CALN1: variants seen among roughly 807,000 people sequenced by gnomAD.
The protein encoded by CALN1 is calcium-binding protein 8.
A neutral mutation model predicts 30.6 loss-of-function variants in CALN1; 17 were observed. The ratio of observed to expected loss-of-function variants is 0.56; its 90% CI spans 0.38 to 0.83. The LOEUF (loss-of-function observed/expected upper bound fraction) is 0.83. CALN1 is among the 40% of genes least tolerant of loss of function. The probability of loss-of-function intolerance (pLI) is 0.00; values close to 1 mark genes in which losing one functional copy is unlikely to be tolerated. For missense variants in CALN1, 291 were observed against 354.9 expected (o/e 0.82, Z 1.45); for synonymous variants, 156 against 131.4 (o/e 1.19, Z -1.28).
chr7:72,402,633 A>G (rs1806420033), intron 2 of CALN1, among the ~76,000 whole-genome samples: 2 of 152,212 alleles, frequency 1.3e-5, no homozygotes, highest in Non-Finnish European at 2.9e-5. Context: ...CGAGGAAAAG[A>G]AAAAAGAGCA....
intron 4 of CALN1, among the ~76,000 whole-genome samples, chr7:72,098,474 C>T (rs778447788): frequency 2.4e-4 from 36 of 152,086 alleles, no homozygotes; most frequent in Non-Finnish European, 4.4e-4. Context: ...GAGGCTAAGG[C>T]TGGAGAATCC....
chr7:72,326,724 C>A (rs2129557718), intron 2 of CALN1, among the ~76,000 whole-genome samples: 1 of 152,222 alleles, frequency 6.6e-6, no homozygotes, highest in Admixed American at 6.5e-5. Flanking sequence ...TCATGAGGTT[C>A]GGAGCATTTT....
chr7:71,958,895 C>A (rs1161157025), intron 5 of CALN1, among the ~76,000 whole-genome samples: 3 of 152,216 alleles, frequency 2.0e-5, no homozygotes, highest in Admixed American at 6.5e-5. Context: ...GCCCAGAGTT[C>A]TTTCTTGACT....
chr7:72,079,312 T>C (rs1804959003), intron 4 of CALN1, among the ~76,000 whole-genome samples: 1 of 152,304 alleles, frequency 6.6e-6, no homozygotes, highest in East Asian at 1.9e-4. Flanking sequence ...ACTGTGTGGA[T>C]AACATCGAGT....
In CALN1 at chr7:71,968,851, C is replaced by T. The variant is rs371495025; in HGVS notation, c.501+54806G>A. 3.0e-4 allele frequency among the ~76,000 whole-genome samples: 45 copies of T among 151,338 alleles called. No individual in the cohort carries two copies. In the East Asian group the frequency reaches 4.9e-3, roughly 17 times the overall value. On this transcript the variant is annotated intron_variant, in intron 5 of 6. Coordinates refer to ENST00000395275, the MANE Select transcript of CALN1 (RefSeq NM_031468.4). ...CTTGAGTCCAGGAGTTCAAGACCAG[C>T]CTAGGCAACACAGCAAGACCACACC...
At chr7:72,255,348 A>C (rs965264777) in intron 3 of CALN1, among the ~76,000 whole-genome samples, 1 of 135,222 alleles carries the variant, frequency 7.4e-6, no homozygotes, top group African/African-American at 2.6e-5. Flanking sequence ...TCAGCCTCCC[A>C]AAGTGCTGGG....
intron 3 of CALN1, among the ~76,000 whole-genome samples, chr7:72,169,780 C>A (rs1422743492): frequency 6.6e-6 from 1 of 151,922 alleles, no homozygotes; most frequent in East Asian, 1.9e-4. Context: ...ACTTCCACCT[C>A]CTGGGTTCAA....
At chr7:72,304,136 TG>T (rs1799487773) in intron 2 of CALN1, among the ~76,000 whole-genome samples, 3 of 152,216 alleles carry the variant, frequency 2.0e-5, no homozygotes, top group African/African-American at 7.2e-5. Context: ...TCTTTCAGAC[TG>T]GGAGGTCCAA....
the CALN1 span, among the ~76,000 whole-genome samples, chr7:72,460,872 C>CA: frequency 6.6e-6 from 1 of 152,138 alleles, no homozygotes; most frequent in Non-Finnish European, 1.5e-5. Context: ...TGCTTCCCCC[C>CA]ACGGCAGGAC....
chr7:71,988,553 T>C (rs906907830), intron 5 of CALN1, among the ~76,000 whole-genome samples: 4 of 152,172 alleles, frequency 2.6e-5, no homozygotes, highest in East Asian at 1.9e-4. Flanking sequence ...CTCCCAGATA[T>C]AGGCCTGTGG....
In CALN1 at chr7:72,148,962, A is replaced by AAGGG. The variant is rs1236888187; in HGVS notation, c.245-42672_245-42669dup. On this transcript the variant is annotated intron_variant, in intron 3 of 6. Coordinates refer to ENST00000395275, the MANE Select transcript of CALN1 (RefSeq NM_031468.4). ...GAAGGAAGGAAGGAAGGAAAGAAGG[A>AAGGG]AGGGAGGGAGGGAGGGAGGGAGGAA... Among the ~76,000 whole-genome samples, 1,234 of 138,260 alleles carry AAGGG rather than the reference A, an allele frequency of 8.9e-3. 19 individuals carry two copies. Among genetic ancestry groups the AAGGG allele is most frequent in the African/African-American group, 0.03 (1,132 of 38,216 alleles). The allele number at this position is 138,260 out of a possible 152,430, so 90.7% of individuals were successfully genotyped here. A position where few individuals can be genotyped will look rare whatever the true frequency, so the allele number is the denominator to read the frequency against.
intron 2 of CALN1, among the ~76,000 whole-genome samples, chr7:72,287,122 C>A (rs1798132921): frequency 6.6e-6 from 1 of 152,064 alleles, no homozygotes; most frequent in Non-Finnish European, 1.5e-5. Flanking sequence ...TACCCACCAC[C>A]CAGATTTAAT....
At chr7:71,944,195 C>T (rs758463145) in intron 5 of CALN1, among the ~76,000 whole-genome samples, 66 of 152,114 alleles carry the variant, frequency 4.3e-4, no homozygotes, top group Non-Finnish European at 9.0e-4. Flanking sequence ...GCCTGTAATC[C>T]GAGCCCTCTG....
chr7:72,302,604 C>T (rs1047154954), intron 2 of CALN1, among the ~76,000 whole-genome samples: 2 of 151,978 alleles, frequency 1.3e-5, no homozygotes, highest in African/African-American at 2.4e-5. Flanking sequence ...ACAAAAAATA[C>T]GAAAACAGGA....
At chr7:72,310,459 G>A (rs1016555297) in intron 2 of CALN1, among the ~76,000 whole-genome samples, 1 of 151,142 alleles carries the variant, frequency 6.6e-6, no homozygotes, top group Non-Finnish European at 1.5e-5. Flanking sequence ...GGAACAGAGG[G>A]CAGAACAAAA....
intron 3 of CALN1, among the ~76,000 whole-genome samples, chr7:72,153,032 C>G (rs1172631070): frequency 6.6e-6 from 1 of 152,188 alleles, no homozygotes; most frequent in African/African-American, 2.4e-5. Context: ...AGGCTAGAAC[C>G]TCAGTGTTCA....
At chr7:72,152,876 G>A (rs1052746968) in intron 3 of CALN1, among the ~76,000 whole-genome samples, 1 of 152,112 alleles carries the variant, frequency 6.6e-6, no homozygotes, top group Non-Finnish European at 1.5e-5. Flanking sequence ...TGGGGGAGAA[G>A]AATAAACAAC....
chr7:72,400,992 A>G (rs918260223), intron 2 of CALN1, among the ~76,000 whole-genome samples: 2 of 152,148 alleles, frequency 1.3e-5, no homozygotes, highest in Admixed American at 6.5e-5. Context: ...ATAACCACTC[A>G]GGCCACTGCA....
the CALN1 span, among the ~76,000 whole-genome samples, chr7:72,468,645 T>C: frequency 6.6e-6 from 1 of 152,158 alleles, no homozygotes; most frequent in Non-Finnish European, 1.5e-5. Flanking sequence ...CAACCAACTG[T>C]TTTCCACAGT....
Sources: gnomAD v4.1 joint callset for allele counts (sites outside exome capture counted in the v4.1 genomes callset) on GRCh38, gnomAD v4.1.1 for gene constraint, MANE v1.5 for transcripts, NCBI Gene and HGNC (gene_info 2026-07-23, HGNC 2026-07-21) for gene names.